Variants in RBFOX1 observed in about 807,000 individuals in gnomAD.
RBFOX1 encodes the protein RNA binding fox-1 homolog 1, also known as RNA binding protein fox-1 homolog 1.
RBFOX1 carries 8 observed loss-of-function variants against 57.7 expected under a neutral mutation model. The observed-to-expected ratio is 0.14, with a 90% confidence interval of 0.08 to 0.25. RBFOX1 has a LOEUF of 0.25. RBFOX1 is among the 10% of genes least tolerant of loss of function. RBFOX1 has a pLI of 1.00. For missense variants in RBFOX1, 611 were observed against 548.5 expected, an observed-to-expected ratio of 1.11 and a Z score of -1.14; for synonymous variants, 326 against 222.4, an observed-to-expected ratio of 1.47 and a Z score of -4.15.
At chr16:5,624,862 C>G (rs2048303364) in intron 3 of RBFOX1, among the ~76,000 whole-genome samples, 1 of 152,110 alleles carries the variant, frequency 6.6e-6, no homozygotes, top group South Asian at 2.1e-4. Context: ...CTGAATGGCT[C>G]TGGGAGATGA....
At chr16:7,623,159 A>G (rs1044989739) in intron 10 of RBFOX1, among the ~76,000 whole-genome samples, 9 of 152,180 alleles carry the variant, frequency 5.9e-5, no homozygotes, top group African/African-American at 1.9e-4. Context: ...TAGTGCTGCC[A>G]TAGCAAAGTA....
chr16:7,648,024 C>A (rs1243789622), intron 11 of RBFOX1, among the ~76,000 whole-genome samples: 2 of 152,160 alleles, frequency 1.3e-5, no homozygotes, highest in Non-Finnish European at 2.9e-5. Context: ...GTTCCAGAAT[C>A]CTACAGACCA....
At chr16:7,390,991 TG>T (rs1404743833) in intron 4 of RBFOX1, among the ~76,000 whole-genome samples, 1 of 152,138 alleles carries the variant, frequency 6.6e-6, no homozygotes, top group Non-Finnish European at 1.5e-5. Context: ...CTGGAGGGTG[TG>T]GGGTCTTCCT....
chr16:6,615,204 G>A (rs1014894564), intron 2 of RBFOX1, among the ~76,000 whole-genome samples: 5 of 152,166 alleles, frequency 3.3e-5, no homozygotes, highest in African/African-American at 1.2e-4. Flanking sequence ...ACTCTATAAA[G>A]GAATGAAAAC....
rs114602510 is a variant in RBFOX1 at position 7,407,707 on chromosome 16, G to C, written c.28-110440G>C. 7.8e-3 allele frequency among the ~76,000 whole-genome samples: 1,184 copies of C among 152,276 alleles called. 18 individuals carry two copies. The highest frequency in any genetic ancestry group is 0.027 in the African/African-American group (1,136 of 41,538). The stretch of plus-strand genomic sequence containing the variant: ...CATTCACCTTAATACAATGCTGGTT[G>C]ATATGCAGAATAATAACCTAGAGAC... On this transcript the variant is annotated intron_variant, in intron 4 of 15. Transcript: ENST00000550418.
At chr16:5,773,977 C>T (rs911889143) in intron 3 of RBFOX1, among the ~76,000 whole-genome samples, 1 of 152,162 alleles carries the variant, frequency 6.6e-6, no homozygotes, top group Non-Finnish European at 1.5e-5. Flanking sequence ...TAGGCCTGAG[C>T]CACCATGCTT....
intron 9 of RBFOX1, among the ~76,000 whole-genome samples, chr16:7,600,053 T>A (rs1277349430): frequency 6.6e-6 from 1 of 152,106 alleles, no homozygotes; most frequent in African/African-American, 2.4e-5. Flanking sequence ...CCAACTACAA[T>A]AACAAAAAAA....
At chr16:5,787,157 G>A (rs929813716) in intron 3 of RBFOX1, among the ~76,000 whole-genome samples, 1 of 152,092 alleles carries the variant, frequency 6.6e-6, no homozygotes, top group Non-Finnish European at 1.5e-5. Context: ...AACACAGGAG[G>A]AGCTCATAGC....
At chr16:7,177,853 G>C (rs2081979537) in intron 4 of RBFOX1, among the ~76,000 whole-genome samples, 1 of 152,164 alleles carries the variant, frequency 6.6e-6, no homozygotes, top group Non-Finnish European at 1.5e-5. Flanking sequence ...TAAAACTTTA[G>C]TTACAAAAGC....
intron 2 of RBFOX1, among the ~76,000 whole-genome samples, chr16:6,579,536 T>G (rs2097502301): frequency 6.6e-6 from 1 of 152,176 alleles, no homozygotes; most frequent in African/African-American, 2.4e-5. Context: ...CTAATGGTTT[T>G]GTAACGGGCT....
intron 12 of RBFOX1, among the ~76,000 whole-genome samples, chr16:7,659,015 G>A (rs1808271): frequency 0.1 from 15,702 of 152,126 alleles, 1,000 homozygotes; most frequent in South Asian, 0.2. Context: ...ATGTGCCACC[G>A]CCCCCTGGCC....
chr16:6,966,182 A>G (rs912475375), intron 3 of RBFOX1, among the ~76,000 whole-genome samples: 2 of 152,112 alleles, frequency 1.3e-5, no homozygotes, highest in Non-Finnish European at 1.5e-5. Context: ...GAGGCTTCCT[A>G]TCTCTCTGAG....
intron 2 of RBFOX1, among the ~76,000 whole-genome samples, chr16:6,436,779 G>A (rs1448261608): frequency 6.6e-6 from 1 of 151,996 alleles, no homozygotes; most frequent in Non-Finnish European, 1.5e-5. Context: ...TTATTTGTTG[G>A]ATGAATGAAA....
At position 6,818,192 on chromosome 16, in the gene RBFOX1, G is replaced by A. The variant is rs545681381; in HGVS notation, c.-16+163542G>A. On this transcript the variant is annotated intron_variant, in intron 3 of 15. Transcript: ENST00000550418. ...GGCTTCCTGCCACAGGGATCCTGCT[G>A]TTGGTCCTGTGACAGTTTGGCCAAC... Among the ~76,000 whole-genome samples the A allele has an allele frequency of 7.2e-5, 11 of 152,242 alleles. No homozygotes were observed. In the South Asian group the frequency reaches 2.1e-3, roughly 29 times the overall value.
rs147027926 is a variant in RBFOX1 at position 6,546,762 on chromosome 16, A to G, written c.-63-107841A>G. Reference sequence around the variant, plus strand: ...TGTCTTTTTGAGGGGACATGATTTAACCCCTAGCGGATACATATCCTATTC... The same window carrying G: ...TGTCTTTTTGAGGGGACATGATTTAGCCCCTAGCGGATACATATCCTATTC... On this transcript the variant is annotated intron_variant, in intron 2 of 15. Transcript: ENST00000550418. Among the ~76,000 whole-genome samples, 10 of 152,240 alleles carry G rather than the reference A, an allele frequency of 6.6e-5. No individual in the cohort carries two copies. In the East Asian group the frequency reaches 1.9e-3, roughly 29 times the overall value.
At chr16:6,307,962 A>G (rs1358477054) in intron 1 of RBFOX1, among the ~76,000 whole-genome samples, 1 of 148,604 alleles carries the variant, frequency 6.7e-6, no homozygotes, top group Admixed American at 6.7e-5. Context: ...TTTACATATT[A>G]TAAACTGTAA....
chr16:6,787,673 C>A (rs945305741), intron 3 of RBFOX1, among the ~76,000 whole-genome samples: 2 of 152,116 alleles, frequency 1.3e-5, no homozygotes, highest in Non-Finnish European at 2.9e-5. Context: ...GAGATTGCAT[C>A]CCTGAGTGAT....
chr16:6,710,357 G>A (rs544138169), intron 3 of RBFOX1, among the ~76,000 whole-genome samples: 2 of 152,248 alleles, frequency 1.3e-5, no homozygotes, highest in African/African-American at 2.4e-5. Context: ...TGAAATTAAT[G>A]CATTTTATTT....
intron 3 of RBFOX1, among the ~76,000 whole-genome samples, chr16:5,650,550 T>G (rs994390392): frequency 6.6e-6 from 1 of 152,196 alleles, no homozygotes; most frequent in African/African-American, 2.4e-5. Context: ...TGGGGAAGGC[T>G]TTTAAGTGTG....
Sources: gnomAD v4.1 joint callset for allele counts (sites outside exome capture counted in the v4.1 genomes callset) on GRCh38, gnomAD v4.1.1 for gene constraint, MANE v1.5 for transcripts, NCBI Gene and HGNC (gene_info 2026-07-23, HGNC 2026-07-21) for gene names.